SYNDIG1: variants seen among roughly 807,000 people sequenced by gnomAD.
SYNDIG1 encodes synapse differentiation inducing 1.
SYNDIG1 carries 9 observed loss-of-function variants against 19.4 expected under a neutral mutation model. The ratio of observed to expected loss-of-function variants is 0.46; its 90% CI spans 0.28 to 0.81. The LOEUF is 0.81. SYNDIG1 is among the 30% of genes least tolerant of loss of function. The probability of loss-of-function intolerance (pLI) is 0.12; values close to 1 mark genes in which losing one functional copy is unlikely to be tolerated. For missense variants in SYNDIG1, 311 were observed against 343.3 expected, an observed-to-expected ratio of 0.91 and a Z score of 0.74; for synonymous variants, 141 against 145.9, an observed-to-expected ratio of 0.97 and a Z score of 0.24.
intron 3 of SYNDIG1, among the ~76,000 whole-genome samples, chr20:24,603,544 C>A (rs1014425486): frequency 1.3e-5 from 2 of 152,074 alleles, no homozygotes; most frequent in Non-Finnish European, 2.9e-5. Flanking sequence ...GGAAGTAAAT[C>A]GCAGGACTTC....
chr20:24,524,792 G>A (rs2057086222), intron 1 of SYNDIG1, among the ~76,000 whole-genome samples: 1 of 152,070 alleles, frequency 6.6e-6, no homozygotes, highest in South Asian at 2.1e-4. Context: ...ATCTAGCCTA[G>A]AAGCAGGCTC....
chr20:24,477,348 T>A (rs1366360997), intron 1 of SYNDIG1, among the ~76,000 whole-genome samples: 2 of 152,050 alleles, frequency 1.3e-5, no homozygotes, highest in East Asian at 1.9e-4. Context: ...TTTTTTTTCT[T>A]TTTTTACCAG....
chr20:24,480,013 G>T (rs117058289), intron 1 of SYNDIG1, among the ~76,000 whole-genome samples: 1 of 152,094 alleles, frequency 6.6e-6, no homozygotes, highest in African/African-American at 2.4e-5. Flanking sequence ...GTGCACGCGC[G>T]CACGCACACA....
intron 1 of SYNDIG1, among the ~76,000 whole-genome samples, chr20:24,477,033 T>C (rs755420893): frequency 6.6e-6 from 1 of 152,236 alleles, no homozygotes; most frequent in Non-Finnish European, 1.5e-5. Flanking sequence ...TTTAGAACCA[T>C]AGACATGAAA....
chr20:24,630,752 G>C (rs2147290494), intron 3 of SYNDIG1, among the ~76,000 whole-genome samples: 1 of 152,276 alleles, frequency 6.6e-6, no homozygotes, highest in African/African-American at 2.4e-5. Flanking sequence ...GCTGCCCTTG[G>C]GCCACCCCTG....
intron 1 of SYNDIG1, among the ~76,000 whole-genome samples, chr20:24,512,249 G>A (rs2056763301): frequency 6.6e-6 from 1 of 150,404 alleles, no homozygotes; most frequent in East Asian, 2.0e-4. Context: ...ATTTCCAACT[G>A]AGGTACTGGG....
chr20:24,509,536 T>G (rs1424975226), intron 1 of SYNDIG1, among the ~76,000 whole-genome samples: 1 of 152,232 alleles, frequency 6.6e-6, no homozygotes, highest in East Asian at 1.9e-4. Flanking sequence ...CTATAGTCAA[T>G]GCTCATTAAA....
intron 3 of SYNDIG1, among the ~76,000 whole-genome samples, chr20:24,648,474 T>C (rs1267599757): frequency 6.6e-6 from 1 of 152,220 alleles, no homozygotes; most frequent in Non-Finnish European, 1.5e-5. Flanking sequence ...TCTCACTGTA[T>C]CATCACACAT....
chr20:24,650,802 C>T (rs1319101530), intron 3 of SYNDIG1, among the ~76,000 whole-genome samples: 1 of 151,830 alleles, frequency 6.6e-6, no homozygotes, highest in African/African-American at 2.4e-5. Flanking sequence ...CCCAAGGGCT[C>T]CCAAGGACCA....
intron 2 of SYNDIG1, among the ~76,000 whole-genome samples, chr20:24,580,415 T>A (rs1377007270): frequency 2.0e-5 from 3 of 152,110 alleles, no homozygotes; most frequent in Admixed American, 2.0e-4. Flanking sequence ...TGTTTGTTTG[T>A]TTGTTTGATT....
At position 24,555,296 on chromosome 20, in the gene SYNDIG1, C is replaced by G. The variant is rs1271271267; in HGVS notation, c.480+11719C>G. Among the ~76,000 whole-genome samples, 6 of 152,100 alleles carry G rather than the reference C, an allele frequency of 3.9e-5. No homozygotes were observed. In the South Asian group the frequency reaches 1.0e-3, roughly 26 times the overall value. ...ATTTTTTGAAGGGTTTTTTGTGTCTCTATTTCCTTCAGTTCTGCTCTGATT... is the reference window on the plus strand; with the variant it reads ...ATTTTTTGAAGGGTTTTTTGTGTCTGTATTTCCTTCAGTTCTGCTCTGATT... On this transcript the variant is annotated intron_variant, in intron 2 of 3. Coordinates refer to ENST00000376862, the MANE Select transcript of SYNDIG1 (RefSeq NM_024893.3).
At chr20:24,480,234 A>G (rs1053486255) in intron 1 of SYNDIG1, among the ~76,000 whole-genome samples, 6 of 152,364 alleles carry the variant, frequency 3.9e-5, no homozygotes, top group Admixed American at 3.3e-4. Flanking sequence ...TGAAATATCT[A>G]CAAGTAACTG....
At chr20:24,609,180 A>G (rs1433241213) in intron 3 of SYNDIG1, among the ~76,000 whole-genome samples, 1 of 152,198 alleles carries the variant, frequency 6.6e-6, no homozygotes, top group East Asian at 1.9e-4. Context: ...GTTCTCGGCA[A>G]TGTCCCCCTT....
chr20:24,544,946 G>C (rs2057544161), intron 2 of SYNDIG1, among the ~76,000 whole-genome samples: 1 of 152,138 alleles, frequency 6.6e-6, no homozygotes, highest in African/African-American at 2.4e-5. Flanking sequence ...CCTTGGCAAG[G>C]TGCACTCTGC....
At chr20:24,584,806 TC>T in intron 2 of SYNDIG1, 49 bp from the exon 3 acceptor site, 1 of 1,613,008 alleles carries the variant, frequency 6.2e-7, no homozygotes, top group Non-Finnish European at 8.5e-7. Flanking sequence ...CCAGGATGAC[TC>T]CTTTATTAAT....
At chr20:24,537,144 TC>T (rs754529997) in intron 1 of SYNDIG1, among the ~76,000 whole-genome samples, 7 of 152,138 alleles carry the variant, frequency 4.6e-5, no homozygotes, top group Non-Finnish European at 8.8e-5. Context: ...ACTTTATCTC[TC>T]CAGCCTCCTC....
chr20:24,573,972 G>A (rs984741649), intron 2 of SYNDIG1, among the ~76,000 whole-genome samples: 1 of 152,154 alleles, frequency 6.6e-6, no homozygotes, highest in African/African-American at 2.4e-5. Context: ...GCAAAGGGTG[G>A]GAGAATCTCT....
intron 1 of SYNDIG1, among the ~76,000 whole-genome samples, chr20:24,511,131 G>A (rs762434694): frequency 6.6e-6 from 1 of 152,086 alleles, no homozygotes; most frequent in Non-Finnish European, 1.5e-5. Context: ...GAAATTCTTG[G>A]AAAGATGCTT....
intron 2 of SYNDIG1, among the ~76,000 whole-genome samples, chr20:24,563,753 C>T (rs542494952): frequency 2.0e-5 from 3 of 152,318 alleles, no homozygotes; most frequent in African/African-American, 7.2e-5. Context: ...AGGTGCTCAC[C>T]ACCATGTCCA....
Sources: gnomAD v4.1 joint callset for allele counts (sites outside exome capture counted in the v4.1 genomes callset) on GRCh38, gnomAD v4.1.1 for gene constraint, MANE v1.5 for transcripts, NCBI Gene and HGNC (gene_info 2026-07-23, HGNC 2026-07-21) for gene names.